Variants in FHIT observed in about 807,000 individuals in gnomAD.
The protein encoded by FHIT is fragile histidine triad diadenosine triphosphatase, also known as bis(5'-adenosyl)-triphosphatase.
A neutral mutation model predicts 17.9 loss-of-function variants in FHIT; 19 were observed. The ratio of observed to expected loss-of-function variants is 1.06; its 90% confidence interval spans 0.74 to 1.56. The LOEUF is 1.56. Ranked by LOEUF, FHIT falls within the 40% of genes most tolerant of loss-of-function variation. The probability of loss-of-function intolerance (pLI) is 0.00; values close to 1 mark genes in which losing one functional copy is unlikely to be tolerated. For synonymous variants in FHIT, 81 were observed against 69.7 expected, an observed-to-expected ratio of 1.16 and a Z score of -0.81; for missense variants, 248 against 189.2, an observed-to-expected ratio of 1.31 and a Z score of -1.82.
chr3:60,727,839 T>C (rs2041948398), intron 4 of FHIT, among the ~76,000 whole-genome samples: 1 of 151,838 alleles, frequency 6.6e-6, no homozygotes, highest in Non-Finnish European at 1.5e-5. Context: ...CCATCTCTAC[T>C]AAAAAATACA....
intron 2 of FHIT, among the ~76,000 whole-genome samples, chr3:61,166,122 C>T (rs755017735): frequency 3.9e-5 from 6 of 152,098 alleles, no homozygotes; most frequent in Admixed American, 1.3e-4. Context: ...CTGATGCCAC[C>T]GTTTTTTGTC....
At chr3:61,123,444 T>A (rs564463762) in intron 2 of FHIT, among the ~76,000 whole-genome samples, 1 of 152,130 alleles carries the variant, frequency 6.6e-6, no homozygotes, top group Non-Finnish European at 1.5e-5. Context: ...GGCACATGTA[T>A]ACCTATGTAA....
rs185070126 is a variant in FHIT at position 60,818,374 on chromosome 3, G to A, written c.-18+3545C>T. 2.9e-3 allele frequency among the ~76,000 whole-genome samples: 434 copies of A among 152,248 alleles called. 5 individuals carry two copies. The highest frequency in any genetic ancestry group is 4.0e-3 in the Non-Finnish European group (275 of 68,010). On this transcript the variant is annotated intron_variant, in intron 4 of 9. Coordinates refer to ENST00000492590, the MANE Select transcript of FHIT (RefSeq NM_002012.4). ...TTCAATCCTGTTATAGTTTTCTGAA[G>A]GGTATTGATTTATTTGTTTTAGCAG...
intron 5 of FHIT, among the ~76,000 whole-genome samples, chr3:60,482,336 T>G (rs751878474): frequency 1.3e-5 from 2 of 152,156 alleles, no homozygotes; most frequent in Admixed American, 1.3e-4. Context: ...GCGGACCTAA[T>G]AGACAGCTAC....
intron 5 of FHIT, among the ~76,000 whole-genome samples, chr3:60,075,920 T>C (rs1265802954): frequency 6.6e-6 from 1 of 152,094 alleles, no homozygotes; most frequent in Admixed American, 6.6e-5. Context: ...GTAACTATCA[T>C]TTGTAAGCAA....
chr3:60,473,639 C>G (rs1488605086), intron 5 of FHIT, among the ~76,000 whole-genome samples: 1 of 152,156 alleles, frequency 6.6e-6, no homozygotes, highest in African/African-American at 2.4e-5. Context: ...TTAACCTCAG[C>G]TGGGCGCAGT....
At chr3:60,587,502 T>C (rs1423622977) in intron 4 of FHIT, among the ~76,000 whole-genome samples, 6 of 151,388 alleles carry the variant, frequency 4.0e-5, no homozygotes, top group African/African-American at 1.5e-4. Context: ...ACTTGTATGC[T>C]GGAACTTAAA....
At chr3:60,494,105 G>A (rs1041420543) in intron 5 of FHIT, among the ~76,000 whole-genome samples, 2 of 151,996 alleles carry the variant, frequency 1.3e-5, no homozygotes, top group Non-Finnish European at 2.9e-5. Flanking sequence ...AAATTCAGTG[G>A]CATTTTGTAC....
intron 8 of FHIT, among the ~76,000 whole-genome samples, chr3:59,836,162 T>C (rs1701332168): frequency 1.6e-5 from 2 of 123,382 alleles, no homozygotes; most frequent in Non-Finnish European, 1.9e-5. Context: ...ACTACTTAAA[T>C]GGGAAGGAAA....
chr3:61,060,272 T>C (rs2034380313), intron 2 of FHIT, among the ~76,000 whole-genome samples: 1 of 152,244 alleles, frequency 6.6e-6, no homozygotes, highest in Non-Finnish European at 1.5e-5. Flanking sequence ...TTAACTCTTA[T>C]TTATATCAAT....
intron 5 of FHIT, among the ~76,000 whole-genome samples, chr3:60,469,243 T>G (rs559659586): frequency 1.3e-5 from 2 of 152,154 alleles, no homozygotes; most frequent in East Asian, 1.9e-4. Flanking sequence ...TGAATTAACT[T>G]TTCTCTCTCT....
intron 5 of FHIT, among the ~76,000 whole-genome samples, chr3:60,308,499 T>TAG (rs1708789269): frequency 1.8e-4 from 1 of 5,554 alleles, no homozygotes; most frequent in Admixed American, 2.1e-3. Context: ...TGTATGTGTA[T>TAG]ATATATATAT....
intron 4 of FHIT, among the ~76,000 whole-genome samples, chr3:60,551,013 C>A (rs1278814075): frequency 6.6e-6 from 1 of 152,120 alleles, no homozygotes; most frequent in East Asian, 1.9e-4. Context: ...CACGTTTGAT[C>A]TGCGAGTTGA....
chr3:59,805,733 A>C (rs1156832308), intron 8 of FHIT, among the ~76,000 whole-genome samples: 1 of 152,202 alleles, frequency 6.6e-6, no homozygotes, highest in East Asian at 1.9e-4. Flanking sequence ...TTGTGGCCAG[A>C]GTCAAATTTT....
At chr3:59,985,099 G>T (rs1708834480) in intron 7 of FHIT, among the ~76,000 whole-genome samples, 1 of 152,154 alleles carries the variant, frequency 6.6e-6, no homozygotes. Context: ...GGTGGCTTGT[G>T]TCCAGAGGCA....
chr3:61,065,268 A>AATAC (rs369855904), intron 2 of FHIT, among the ~76,000 whole-genome samples: 2 of 148,338 alleles, frequency 1.3e-5, no homozygotes, highest in African/African-American at 4.9e-5. Context: ...AGTCATTTTC[A>AATAC]ACACACACAC....
Position 60,143,132 on chromosome 3 carries a change from G to C in FHIT, c.104-128980C>G, listed in dbSNP as rs548401190. On this transcript the variant is annotated intron_variant, in intron 5 of 9. Transcript: ENST00000492590. ...AAGAGAGAGTACAGTGATTTTGTTA[G>C]AGGCCGAGAACATAAGGAACTAAGG... 1.8e-4 allele frequency among the ~76,000 whole-genome samples: 27 copies of C among 152,248 alleles called. No homozygotes were observed. The South Asian group carries it at 5.4e-3, about 30-fold the overall frequency.
intron 8 of FHIT, among the ~76,000 whole-genome samples, chr3:59,807,784 G>T (rs946154557): frequency 5.3e-4 from 81 of 152,010 alleles, no homozygotes; most frequent in African/African-American, 1.9e-3. Context: ...GGTGCGTGAT[G>T]GTTTCCGCAA....
intron 2 of FHIT, among the ~76,000 whole-genome samples, chr3:61,066,048 T>G (rs779202516): frequency 3.3e-5 from 5 of 152,202 alleles, no homozygotes; most frequent in Non-Finnish European, 2.9e-5. Flanking sequence ...AAAGACTTCT[T>G]GCTGTGTTAC....
Sources: gnomAD v4.1 joint callset for allele counts (sites outside exome capture counted in the v4.1 genomes callset) on GRCh38, gnomAD v4.1.1 for gene constraint, MANE v1.5 for transcripts, NCBI Gene and HGNC (gene_info 2026-07-23, HGNC 2026-07-21) for gene names.